Variants in STRIP1 observed in about 807,000 individuals in gnomAD.
The protein encoded by STRIP1 is striatin interacting protein 1.
Under a neutral mutation model 106.2 loss-of-function variants are expected in STRIP1, and 63 were observed. The observed-to-expected ratio is 0.59, with a 90% CI of 0.48 to 0.73. STRIP1 has a LOEUF of 0.73. Among genes scored for constraint, STRIP1 ranks in the 30% least tolerant of loss-of-function variants. STRIP1 has a pLI of 0.00. For synonymous variants in STRIP1, 390 were observed against 413.0 expected (o/e 0.94, Z 0.67); for missense variants, 857 against 1,074.8 (o/e 0.80, Z 2.83).
chr1:110,031,626 C>G (rs1191842366), upstream of STRIP1: 6 of 151,950 alleles, frequency 3.9e-5, no homozygotes, highest in African/African-American at 1.5e-4. Flanking sequence ...TCACACATCT[C>G]TGACAAAAAT....
At chr1:110,034,975 T>G (rs1484828652) in intron 1 of STRIP1, among the ~76,000 whole-genome samples, 158 bp downstream of exon 1, 2 of 152,326 alleles carry the variant, frequency 1.3e-5, no homozygotes, top group East Asian at 3.9e-4. Context: ...GAAGCGAGGC[T>G]GGCAGCTCCT....
At position 110,053,713 on chromosome 1, in the gene STRIP1, G is replaced by A. The variant is rs1653405981; in HGVS notation, c.2315G>A (p.Arg772His). Residue 772 changes from arginine (R) to histidine (H), a missense_variant, in exon 21 of 21, where the codon CGT becomes CAT. By Grantham distance (29) the Arg-to-His change is conservative (BLOSUM62 0). Coordinates refer to ENST00000369795, the MANE Select transcript of STRIP1 (RefSeq NM_033088.4). ...WDFQAEECAL[R>H]ANIERFNARR... Reference sequence around the variant, plus strand: ...TTCCAGGCAGAGGAGTGTGCCCTTCGTGCCAACATTGAACGCTTCAACGCC... The same window carrying A: ...TTCCAGGCAGAGGAGTGTGCCCTTCATGCCAACATTGAACGCTTCAACGCC... 2 of 1,613,868 alleles carry A rather than the reference G, an allele frequency of 1.2e-6. No individual in the cohort carries two copies. Among genetic ancestry groups the A allele is most frequent in the South Asian group, 1.1e-5 (1 of 91,078 alleles).
chr1:110,049,057 C>T (rs1653163847), intron 15 of STRIP1, 55 bp from the exon 16 acceptor site: 1 of 1,608,436 alleles, frequency 6.2e-7, no homozygotes, highest in African/African-American at 1.3e-5. Context: ...CTGTGGGCAC[C>T]TAGAAATGAG....
rs566494233 is a variant in STRIP1, at chr1:110,043,497, G to T, written c.1069-142G>T. The T allele has an allele frequency of 6.2e-4, 538 of 874,750 alleles. 7 individuals are homozygous for T. In the South Asian group the frequency reaches 7.2e-3, roughly 12 times the overall value. The allele number at this position is 874,750 out of a possible 1,614,324, so 54.2% of individuals were successfully genotyped here. A position where few individuals can be genotyped will look rare whatever the true frequency, so the allele number is the denominator to read the frequency against. On this transcript the variant is annotated intron_variant, in intron 9 of 20. Transcript: ENST00000369795. ...GGAGCAAGAAGTAGTTGATGGTTTG[G>T]CCCCCGTCTTGACTCCCACTGTGGT...
chr1:110,040,550 T>C (rs1652710074), intron 5 of STRIP1, 85 bp from the exon 6 acceptor site: 1 of 1,311,058 alleles, frequency 7.6e-7, no homozygotes, highest in Non-Finnish European at 1.1e-6. Context: ...CACAGCATTT[T>C]GTTTCCCCAT....
At position 110,039,175 on chromosome 1, in the gene STRIP1, C is replaced by G; in HGVS notation, c.329C>G (p.Thr110Arg). 6.2e-7 allele frequency: 1 copy of G among 1,614,042 alleles called. No individual in the cohort carries two copies. The highest frequency in any genetic ancestry group is 8.5e-7 in the Non-Finnish European group (1 of 1,179,914). Residue 110 changes from threonine (T) to arginine (R), a missense_variant, in exon 4 of 21, where the codon ACA becomes AGA. Around this residue, in one of 2 missense-constraint regions of STRIP1, gnomAD observed 750 missense variants for 989.8 expected, o/e 0.76. Coordinates refer to ENST00000369795, the MANE Select transcript of STRIP1 (RefSeq NM_033088.4). ...CFEEDFRIHVTDKKWTELDTN... is the reference protein window; with the variant it reads ...CFEEDFRIHVRDKKWTELDTN... ...TAACTGGTTTCTTGCCCTGCAGTGA[C>G]AGACAAGAAGTGGACTGAGCTGGAT...
chr1:110,039,747 C>G, intron 5 of STRIP1: 1 of 1,133,048 alleles, frequency 8.8e-7, no homozygotes, highest in Non-Finnish European at 1.2e-6. Flanking sequence ...TTACACCAGA[C>G]AGTGCAGGCC....
chr1:110,046,470 A>G (rs141765264), intron 12 of STRIP1, among the ~76,000 whole-genome samples: 1 of 152,218 alleles, frequency 6.6e-6, no homozygotes, highest in Non-Finnish European at 1.5e-5. Flanking sequence ...ACTGCACTCC[A>G]GTCTGGGCAA....
intron 18 of STRIP1, 77 bp from the exon 19 acceptor site, chr1:110,050,879 C>A: frequency 1.2e-6 from 1 of 842,668 alleles, no homozygotes; most frequent in Non-Finnish European, 2.1e-6. Context: ...GTCCTGAGAT[C>A]ATGTGTGAGG....
At chr1:110,046,103 T>G (rs557108412) in intron 12 of STRIP1, among the ~76,000 whole-genome samples, 1 of 152,390 alleles carries the variant, frequency 6.6e-6, no homozygotes, top group Non-Finnish European at 1.5e-5. Context: ...TTTTCTCCTG[T>G]TGCTGTAGCT....
chr1:110,037,874 TCTC>T lies in STRIP1; in HGVS notation c.181-13_181-11del, dbSNP rs766930060. The T allele has an allele frequency of 1.3e-6, 2 of 1,583,898 alleles. No individual in the cohort carries two copies. Among genetic ancestry groups the T allele is most frequent in the Admixed American group, 1.7e-5 (1 of 59,834 alleles). ...AGAATGATCCTTTTTCCTAAAGCTC[TCTC>T]CTCTTGTCAGCAGGGCTATTCGGAG... On this transcript the variant is annotated splice_polypyrimidine_tract_variant and intron_variant, in intron 1 of 20. Coordinates refer to ENST00000369795, the MANE Select transcript of STRIP1 (RefSeq NM_033088.4).
intron 20 of STRIP1, 27 bp downstream of exon 20, chr1:110,051,914 G>C: frequency 6.2e-7 from 1 of 1,608,708 alleles, no homozygotes; most frequent in East Asian, 2.2e-5. Context: ...AGCCAGATTT[G>C]GGTGGGAGTG....
intron 2 of STRIP1, 37 bp downstream of exon 2, chr1:110,037,997 T>G (rs774997309): frequency 7.2e-7 from 1 of 1,394,650 alleles, no homozygotes; most frequent in Non-Finnish European, 1.0e-6. Flanking sequence ...GGGGGTGGTT[T>G]TTTCCTTATT....
In STRIP1 at chr1:110,051,819, T is replaced by C. The variant is rs375880563; in HGVS notation, c.2198T>C (p.Met733Thr). 3.7e-6 allele frequency: 6 copies of C among 1,613,460 alleles called. No individual in the cohort carries two copies. Among genetic ancestry groups the C allele is most frequent in the South Asian group, 1.1e-5 (1 of 91,048 alleles). ...GGGCGGCAGTGGCGAAAGAGCAACA[T>C]GAAGACCATGTCTGCCATCTACCAG... ...YLGRQWRKSN[M>T]KTMSAIYQKV... Residue 733 changes from methionine (M) to threonine (T), a missense_variant, in exon 20 of 21, where the codon ATG becomes ACG. Coordinates refer to ENST00000369795, the MANE Select transcript of STRIP1 (RefSeq NM_033088.4).
chr1:110,048,867 G>A (rs1653155448), intron 15 of STRIP1, among the ~76,000 whole-genome samples: 1 of 152,196 alleles, frequency 6.6e-6, no homozygotes, highest in South Asian at 2.1e-4. Flanking sequence ...CATTTTTGGA[G>A]GAAAGGCAGA....
intron 17 of STRIP1, 95 bp downstream of exon 17, chr1:110,049,655 C>T (rs1246103465): frequency 1.8e-5 from 15 of 824,846 alleles, no homozygotes; most frequent in Non-Finnish European, 2.4e-5. Flanking sequence ...CCAGCACCTA[C>T]GAGCCAGCAC....
At position 110,045,916 on chromosome 1, in the gene STRIP1, C is replaced by T. The variant is rs144887009; in HGVS notation, c.1417-764C>T. ...GGGCAGAGAGAGATGAGGGGTGTTT[C>T]GCAAACCCCTGTCCCTCCACACGGG... On this transcript the variant is annotated intron_variant, in intron 12 of 20. Coordinates refer to ENST00000369795, the MANE Select transcript of STRIP1 (RefSeq NM_033088.4). Among the ~76,000 whole-genome samples the T allele has an allele frequency of 4.2e-3, 634 of 152,288 alleles. 1 individual carries two copies. The highest frequency in any genetic ancestry group is 5.5e-3 in the Non-Finnish European group (373 of 68,034).
At position 110,039,466 on chromosome 1, in the gene STRIP1, G is replaced by A. The variant is rs750983776; in HGVS notation, c.532G>A (p.Glu178Lys). ...GCGCTACAACATCTTTCTCCTCCTG[G>A]AGGTGGGCACGTTCAATGCTTTGGT... ...WMRYNIFLLL[E>K]VGTFNALVEL... The change falls in exon 5 of 21, where the codon GAG (glutamate) becomes AAG (lysine). Residue 178 changes from glutamate to lysine, a missense_variant. This residue lies in a region of STRIP1 where 750 missense variants were observed against 989.8 expected (regional missense o/e 0.76). Transcript: ENST00000369795. 11 of 1,612,422 alleles carry A rather than the reference G, an allele frequency of 6.8e-6. No individual in the cohort carries two copies. In the South Asian group the frequency reaches 1.2e-4, roughly 18 times the overall value.
In STRIP1 at chr1:110,034,631, A is replaced by G; in HGVS notation, c.-7A>G. On this transcript the variant is annotated 5_prime_UTR_variant, in exon 1 of 21. Transcript: ENST00000369795. ...GCGAGTTAAGCTGGGGGTGTGGAGC[A>G]GCCAAGATGGAGCCGGCAGTCGGCG... The G allele has an allele frequency of 6.6e-7, 1 of 1,519,344 alleles. No individual in the cohort carries two copies. Among genetic ancestry groups the G allele is most frequent in the Admixed American group, 2.1e-5 (1 of 46,560 alleles). The allele number at this position is 1,519,344 out of a possible 1,614,324, so 94.1% of individuals were successfully genotyped here. A position where few individuals can be genotyped will look rare whatever the true frequency, so the allele number is the denominator to read the frequency against.
Sources: allele counts gnomAD v4.1 joint callset (sites outside exome capture counted in the v4.1 genomes callset), GRCh38; gene constraint gnomAD v4.1.1; regional missense constraint gnomAD v4.1.1; transcripts MANE v1.5; gene names NCBI Gene and HGNC (gene_info 2026-07-23, HGNC 2026-07-21).